HS6ST3: variants seen among roughly 807,000 people sequenced by gnomAD.
HS6ST3 encodes heparan-sulfate 6-O-sulfotransferase 3.
A neutral mutation model predicts 36.7 loss-of-function variants in HS6ST3; 12 were observed. The ratio of observed to expected loss-of-function variants is 0.33; its 90% CI spans 0.21 to 0.53. The LOEUF is 0.53. Ranked by LOEUF, HS6ST3 falls within the 20% of genes least tolerant of loss-of-function variation. The pLI is 0.95. For synonymous variants in HS6ST3, 240 were observed against 257.5 expected (o/e 0.93, Z 0.65); for missense variants, 584 against 640.9 (o/e 0.91, Z 0.96).
chr13:96,185,441 A>G (rs1186501995), intron 1 of HS6ST3, among the ~76,000 whole-genome samples: 2 of 152,212 alleles, frequency 1.3e-5, no homozygotes, highest in Non-Finnish European at 1.5e-5. Flanking sequence ...AATGAGTGGC[A>G]GGGTGAGGCC....
chr13:96,698,099 G>C (rs894158208), intron 1 of HS6ST3, among the ~76,000 whole-genome samples: 1 of 151,944 alleles, frequency 6.6e-6, no homozygotes, highest in Non-Finnish European at 1.5e-5. Flanking sequence ...CAACGTGCAG[G>C]TTTGTTACAT....
At chr13:96,556,955 T>G (rs531283860) in intron 1 of HS6ST3, among the ~76,000 whole-genome samples, 11 of 152,332 alleles carry the variant, frequency 7.2e-5, no homozygotes, top group African/African-American at 2.6e-4. Flanking sequence ...CAAAGTGCCG[T>G]TGTTGGGTAT....
At chr13:96,748,379 CAG>C (rs1270443723) in intron 1 of HS6ST3, among the ~76,000 whole-genome samples, 1 of 151,982 alleles carries the variant, frequency 6.6e-6, no homozygotes, top group Non-Finnish European at 1.5e-5. Flanking sequence ...GGGTAGGAAT[CAG>C]GGGGAAAACC....
intron 1 of HS6ST3, among the ~76,000 whole-genome samples, chr13:96,775,951 C>T (rs141337771): frequency 6.6e-6 from 1 of 152,194 alleles, no homozygotes; most frequent in East Asian, 1.9e-4. Flanking sequence ...TAAAATACTC[C>T]TCAGCAAGTG....
At chr13:96,685,824 A>G (rs144386168) in intron 1 of HS6ST3, among the ~76,000 whole-genome samples, 1 of 152,156 alleles carries the variant, frequency 6.6e-6, no homozygotes, top group African/African-American at 2.4e-5. Flanking sequence ...CAAGGAGCCA[A>G]GAAATGTGAT....
intron 1 of HS6ST3, among the ~76,000 whole-genome samples, chr13:96,389,628 C>T (rs1009838600): frequency 6.6e-6 from 1 of 152,036 alleles, no homozygotes; most frequent in Non-Finnish European, 1.5e-5. Context: ...TCTCCTCTAC[C>T]AAAAGGCACT....
chr13:96,605,123 C>T (rs1226259339), intron 1 of HS6ST3, among the ~76,000 whole-genome samples: 1 of 152,090 alleles, frequency 6.6e-6, no homozygotes, highest in Non-Finnish European at 1.5e-5. Context: ...AATTTATCAA[C>T]AGATTTTGCA....
At chr13:96,421,633 G>T (rs2055562883) in intron 1 of HS6ST3, among the ~76,000 whole-genome samples, 1 of 151,944 alleles carries the variant, frequency 6.6e-6, no homozygotes, top group Admixed American at 6.6e-5. Context: ...TGCTTGATTT[G>T]CCCTATGACC....
chr13:96,713,446 G>A (rs530480795), intron 1 of HS6ST3, among the ~76,000 whole-genome samples: 1 of 152,164 alleles, frequency 6.6e-6, no homozygotes, highest in Non-Finnish European at 1.5e-5. Context: ...TACCTGGCAA[G>A]GCTTAATGGC....
At chr13:96,234,030 A>G (rs1358811963) in intron 1 of HS6ST3, among the ~76,000 whole-genome samples, 3 of 151,578 alleles carry the variant, frequency 2.0e-5, no homozygotes, top group Admixed American at 2.0e-4. Flanking sequence ...ACATCAACAT[A>G]CCCACGTTCT....
At chr13:96,601,023 T>C (rs9516724) in intron 1 of HS6ST3, among the ~76,000 whole-genome samples, 15,092 of 152,164 alleles carry the variant, frequency 0.099, 824 homozygotes, top group Admixed American at 0.17. Context: ...AAGGTTTCAT[T>C]GAGAAGTGTA....
In HS6ST3 at chr13:96,137,581, G is replaced by A. The variant is rs557938223; in HGVS notation, c.707+46012G>A. Reference sequence around the variant, plus strand: ...CCCGAGTAGCTGGGACTACAGGCATGTGCCACCACACCTGGCTAATTTTTG... The same window carrying A: ...CCCGAGTAGCTGGGACTACAGGCATATGCCACCACACCTGGCTAATTTTTG... On this transcript the variant is annotated intron_variant, in intron 1 of 1. Coordinates refer to ENST00000376705, the MANE Select transcript of HS6ST3 (RefSeq NM_153456.4). Among the ~76,000 whole-genome samples, 6 of 152,068 alleles carry A rather than the reference G, an allele frequency of 3.9e-5. No individual in the cohort carries two copies. In the South Asian group the frequency reaches 1.2e-3, roughly 32 times the overall value.
At chr13:96,179,758 T>C (rs1226598994) in intron 1 of HS6ST3, among the ~76,000 whole-genome samples, 3 of 152,032 alleles carry the variant, frequency 2.0e-5, no homozygotes, top group Admixed American at 2.0e-4. Flanking sequence ...GGAATAGCAA[T>C]CATTTATTAT....
intron 1 of HS6ST3, among the ~76,000 whole-genome samples, chr13:96,485,133 G>C (rs1438602355): frequency 6.6e-6 from 1 of 152,202 alleles, no homozygotes; most frequent in East Asian, 1.9e-4. Context: ...AACTTGCTGG[G>C]ATTTTGATTG....
At chr13:96,171,951 A>G (rs868185291) in intron 1 of HS6ST3, among the ~76,000 whole-genome samples, 15 of 149,776 alleles carry the variant, frequency 1.0e-4, no homozygotes, top group African/African-American at 3.4e-4. Flanking sequence ...AAAAATATTT[A>G]TATTTAATTC....
chr13:96,801,187 C>A (rs1201940495), intron 1 of HS6ST3, among the ~76,000 whole-genome samples: 1 of 152,142 alleles, frequency 6.6e-6, no homozygotes, highest in Non-Finnish European at 1.5e-5. Context: ...ATCAAGGCTG[C>A]TCCATCTCTG....
intron 1 of HS6ST3, among the ~76,000 whole-genome samples, chr13:96,804,269 G>A (rs1226055513): frequency 1.3e-5 from 2 of 152,188 alleles, no homozygotes; most frequent in African/African-American, 2.4e-5. Context: ...AGAGAAAAGC[G>A]AATCTCTATA....
chr13:96,650,735 A>G (rs1045478073), intron 1 of HS6ST3, among the ~76,000 whole-genome samples: 8 of 152,084 alleles, frequency 5.3e-5, no homozygotes, highest in South Asian at 2.1e-4. Context: ...AGTTCACACA[A>G]TGGCCACAGG....
At chr13:96,700,951 A>G (rs1459268048) in intron 1 of HS6ST3, among the ~76,000 whole-genome samples, 1 of 152,188 alleles carries the variant, frequency 6.6e-6, no homozygotes, top group Non-Finnish European at 1.5e-5. Flanking sequence ...TCCAGGTCTC[A>G]TTTACTTCAC....
Sources: gnomAD v4.1 joint callset for allele counts (sites outside exome capture counted in the v4.1 genomes callset) on GRCh38, gnomAD v4.1.1 for gene constraint, MANE v1.5 for transcripts, NCBI Gene and HGNC (gene_info 2026-07-23, HGNC 2026-07-21) for gene names.